The following TAOK1 variants were observed in gnomAD, a reference collection of about 807,000 sequenced individuals.
TAOK1 encodes the protein TAO kinase 1.
Under a neutral mutation model 138.3 loss-of-function variants are expected in TAOK1, and 21 were observed. The observed-to-expected ratio is 0.15, with a 90% CI of 0.11 to 0.22. The LOEUF (loss-of-function observed/expected upper bound fraction) is 0.22. Among genes scored for constraint, TAOK1 ranks in the 10% least tolerant of loss-of-function variants. TAOK1 has a pLI of 1.00. For synonymous variants in TAOK1, 361 were observed against 398.4 expected, an observed-to-expected ratio of 0.91 and a Z score of 1.12; for missense variants, 651 against 1,227.7, an observed-to-expected ratio of 0.53 and a Z score of 7.02.
intron 14 of TAOK1, among the ~76,000 whole-genome samples, chr17:29,508,759 C>T (rs1330403743): frequency 1.3e-5 from 2 of 152,128 alleles, no homozygotes; most frequent in Admixed American, 6.6e-5. Flanking sequence ...ATGAAAGATT[C>T]AGATTCAGAT....
At chr17:29,434,565 A>C (rs1905965835) in intron 1 of TAOK1, among the ~76,000 whole-genome samples, 1 of 152,080 alleles carries the variant, frequency 6.6e-6, no homozygotes, top group Non-Finnish European at 1.5e-5. Flanking sequence ...CACCATGAGT[A>C]CCAAAGTGGC....
chr17:29,521,964 G>C (rs1231307769), intron 16 of TAOK1, among the ~76,000 whole-genome samples: 1 of 152,130 alleles, frequency 6.6e-6, no homozygotes. Context: ...GAAATTGAAA[G>C]GATAACTTAG....
intron 1 of TAOK1, among the ~76,000 whole-genome samples, chr17:29,416,987 C>T (rs116995637): frequency 4.6e-5 from 7 of 152,094 alleles, no homozygotes; most frequent in Non-Finnish European, 1.0e-4. Context: ...AATGAATTAT[C>T]CTTATTTTAG....
At chr17:29,391,259 AG>A (rs1169726543) in intron 1 of TAOK1, among the ~76,000 whole-genome samples, 1 of 152,004 alleles carries the variant, frequency 6.6e-6, no homozygotes, top group Non-Finnish European at 1.5e-5. Flanking sequence ...GGGTGGTGGA[AG>A]GGGGATGTTT....
rs768746538 is a variant in TAOK1 at position 29,498,539 on chromosome 17, A to G, written c.1203+18A>G. The G allele has an allele frequency of 1.1e-5, 18 of 1,608,246 alleles. No individual in the cohort carries two copies. The highest frequency in any genetic ancestry group is 1.1e-4 in the South Asian group (10 of 90,938). On this transcript the variant is annotated intron_variant, in intron 12 of 19. Transcript: ENST00000261716. ...TAAAACCAGTGAGTATTTGGATTTC[A>G]ATGAAAGAAATTCAATGTTGGTAAA...
intron 15 of TAOK1, chr17:29,512,073 AC>A: frequency 1.0e-5 from 1 of 96,296 alleles, no homozygotes; most frequent in Non-Finnish European, 1.9e-5. Flanking sequence ...TTTTTTTGAG[AC>A]GGAAGTCTCA....
intron 18 of TAOK1, 124 bp from the exon 19 acceptor site, chr17:29,533,994 A>G: frequency 9.4e-7 from 1 of 1,068,874 alleles, no homozygotes; most frequent in Non-Finnish European, 1.3e-6. Context: ...ACAAGAGAGA[A>G]AAATTGTCTA....
rs71138823 is a variant in TAOK1, at chr17:29,487,246, CAAAAAAAAAAAA to C, written c.656-2400_656-2389del. On this transcript the variant is annotated intron_variant, in intron 8 of 19. Transcript: ENST00000261716. ...GGGCAACAGAGCGAGACTGTGTCTC[CAAAAAAAAAAAA>C]AAAAAAAAAAAAAAAAAGTATTAAG... Among the ~76,000 whole-genome samples the C allele has an allele frequency of 7.2e-3, 646 of 90,320 alleles. 8 individuals are homozygous for C. Among genetic ancestry groups the C allele is most frequent in the African/African-American group, 0.03 (595 of 19,858 alleles). The allele number at this position is 90,320 out of a possible 152,430, so 59.3% of individuals were successfully genotyped here. A position where few individuals can be genotyped will look rare whatever the true frequency, so the allele number is the denominator to read the frequency against.
At chr17:29,486,821 G>A (rs952793030) in intron 8 of TAOK1, among the ~76,000 whole-genome samples, 1 of 152,166 alleles carries the variant, frequency 6.6e-6, no homozygotes, top group Admixed American at 6.6e-5. Context: ...CATTTAAAAG[G>A]CTTGGTGACC....
Position 29,495,699 on chromosome 17 carries a change from C to G in TAOK1, c.971C>G (p.Pro324Arg). 1 of 1,606,096 alleles carries G rather than the reference C, an allele frequency of 6.2e-7. No homozygotes were observed. The highest frequency in any genetic ancestry group is 8.5e-7 in the Non-Finnish European group (1 of 1,175,242). ...KLLFQEAHNG[P>R]AVEAQEEEEE... The stretch of plus-strand genomic sequence containing the variant: ...CTTTTCCAGGAGGCACATAATGGAC[C>G]AGCAGTAGAAGCACAGGAAGAAGAA... The change falls in exon 11 of 20, where the codon CCA (proline) becomes CGA (arginine). Residue 324 changes from proline (P) to arginine (R), a missense_variant. Physicochemically the swap from Pro to Arg is moderately radical, Grantham distance 103. Transcript: ENST00000261716.
intron 1 of TAOK1, among the ~76,000 whole-genome samples, chr17:29,423,696 G>T (rs982586967): frequency 6.6e-6 from 1 of 151,878 alleles, no homozygotes; most frequent in African/African-American, 2.4e-5. Flanking sequence ...TTTGATTTCT[G>T]ATTTAATTCT....
At chr17:29,535,766 G>A (rs1416761899) in intron 19 of TAOK1, among the ~76,000 whole-genome samples, 1 of 151,858 alleles carries the variant, frequency 6.6e-6, no homozygotes, top group South Asian at 2.1e-4. Flanking sequence ...AAGGTGAGAG[G>A]ATCACTTGAG....
intron 2 of TAOK1, among the ~76,000 whole-genome samples, chr17:29,457,089 C>CTTTTTTTT (rs548221652): frequency 1.1e-3 from 122 of 107,418 alleles, no homozygotes; most frequent in Non-Finnish European, 1.6e-3. Flanking sequence ...TTTTCTTTTT[C>CTTTTTTTT]TTTTTTTTTT....
chr17:29,530,965 T>TTTTTTTTTTTTTA (rs1370885622), intron 18 of TAOK1, among the ~76,000 whole-genome samples: 2 of 119,886 alleles, frequency 1.7e-5, no homozygotes, highest in African/African-American at 6.8e-5. Flanking sequence ...AGTACAAATT[T>TTTTTTTTTTTTTA]TTTTTTTTTT....
intron 10 of TAOK1, 29 bp downstream of exon 10, chr17:29,491,894 T>C: frequency 6.5e-7 from 1 of 1,545,576 alleles, no homozygotes. Context: ...TATTTATTTA[T>C]TTTATTTTAA....
intron 1 of TAOK1, among the ~76,000 whole-genome samples, chr17:29,403,566 T>A (rs1904911165): frequency 6.6e-6 from 1 of 152,182 alleles, no homozygotes; most frequent in Admixed American, 6.6e-5. Flanking sequence ...TCCTGCTGCA[T>A]AAATGGTAGA....
intron 6 of TAOK1, among the ~76,000 whole-genome samples, chr17:29,479,136 ACT>A (rs1301634690): frequency 2.1e-5 from 3 of 145,366 alleles, no homozygotes; most frequent in Admixed American, 6.9e-5. Context: ...ACAGAGTGAA[ACT>A]CTGTCTCAAA....
intron 1 of TAOK1, among the ~76,000 whole-genome samples, chr17:29,417,333 G>A (rs995275284): frequency 6.6e-6 from 1 of 152,140 alleles, no homozygotes. Flanking sequence ...CCATTTTTAA[G>A]TTGGGTTGTT....
At chr17:29,395,328 C>T (rs560182915) in intron 1 of TAOK1, among the ~76,000 whole-genome samples, 1 of 151,720 alleles carries the variant, frequency 6.6e-6, no homozygotes, top group East Asian at 2.0e-4. Flanking sequence ...GTCAAGAGTT[C>T]GAAACCAGCC....
Sources: allele counts gnomAD v4.1 joint callset (sites outside exome capture counted in the v4.1 genomes callset), GRCh38; gene constraint gnomAD v4.1.1; transcripts MANE v1.5; gene names NCBI Gene and HGNC (gene_info 2026-07-23, HGNC 2026-07-21).